Variants in CSNK1A1 observed in about 807,000 individuals in gnomAD.
CSNK1A1 encodes the protein casein kinase 1 alpha 1, also known as casein kinase I isoform alpha.
A neutral mutation model predicts 46.1 loss-of-function variants in CSNK1A1; 7 were observed. The ratio of observed to expected loss-of-function variants is 0.15; its 90% CI spans 0.09 to 0.29. The LOEUF is 0.29. CSNK1A1 is among the 10% of genes least tolerant of loss of function. The pLI, the probability that CSNK1A1 is intolerant of heterozygous loss-of-function variation, is 1.00. For missense variants in CSNK1A1, 96 were observed against 417.1 expected (o/e 0.23, Z 6.71); for synonymous variants, 137 against 141.5 (o/e 0.97, Z 0.23).
At chr5:149,522,443 T>C (rs75877403) in intron 3 of CSNK1A1, among the ~76,000 whole-genome samples, 2 of 152,306 alleles carry the variant, frequency 1.3e-5, no homozygotes, top group African/African-American at 4.8e-5. Context: ...TACTTAGAAG[T>C]TGTATTTTTA....
At chr5:149,501,899 T>C (rs1392392876) in intron 9 of CSNK1A1, 2 of 960,430 alleles carry the variant, frequency 2.1e-6, no homozygotes, top group Non-Finnish European at 2.5e-6. Flanking sequence ...GGTGTGAATC[T>C]TATGTATTTT....
rs756285604 is a variant in CSNK1A1 at position 149,550,972 on chromosome 5, G to C, written c.-8C>G. ...GCCGCTGCTACTCGCCATCCTGAGA[G>C]ACGAAGATGGAGGCTGGGGCCAAGC... is the stretch of plus-strand genomic sequence containing the variant. On this transcript the variant is annotated 5_prime_UTR_variant, in exon 1 of 10. Coordinates refer to ENST00000377843, the MANE Select transcript of CSNK1A1 (RefSeq NM_001892.6). This position sits in a 1 kb window ranked among gnomAD's most constrained non-coding sequence, Gnocchi z 4.3. 3.7e-6 allele frequency: 6 copies of C among 1,613,724 alleles called. No individual in the cohort carries two copies. The highest frequency in any genetic ancestry group is 2.2e-5 in the South Asian group (2 of 91,084).
intron 2 of CSNK1A1, chr5:149,545,469 T>C: frequency 1.8e-6 from 1 of 547,184 alleles, no homozygotes; most frequent in Non-Finnish European, 3.3e-6. Context: ...TGGGCCTTGG[T>C]TGATCCTTGG....
chr5:149,498,136 T>G, intron 9 of CSNK1A1: 1 of 985,454 alleles, frequency 1.0e-6, no homozygotes, highest in Non-Finnish European at 1.2e-6. Flanking sequence ...CCAGCTTCTT[T>G]TACTTTTTAA....
rs758308936 is a variant in CSNK1A1 at position 149,504,201 on chromosome 5, G to C, written c.1006+1246C>G. 3 of 985,250 alleles carry C rather than the reference G, an allele frequency of 3.0e-6. No individual in the cohort carries two copies. The African/African-American group carries it at 5.2e-5, about 17-fold the overall frequency. The allele number at this position is 985,250 out of a possible 1,614,324, so 61.0% of individuals were successfully genotyped here. Reference sequence around the variant, plus strand: ...CATGTCACCATCTGAAAAACCCAACGACAATAAACCTTCAACTTTGAATCC... The same window carrying C: ...CATGTCACCATCTGAAAAACCCAACCACAATAAACCTTCAACTTTGAATCC... On this transcript the variant is annotated intron_variant, in intron 9 of 9. Coordinates refer to ENST00000377843, the MANE Select transcript of CSNK1A1 (RefSeq NM_001892.6).
intron 2 of CSNK1A1, among the ~76,000 whole-genome samples, chr5:149,529,158 T>A (rs1761809634): frequency 6.6e-6 from 1 of 152,214 alleles, no homozygotes; most frequent in South Asian, 2.1e-4. Context: ...AAAATAATAA[T>A]TTTAAAAAGA....
chr5:149,518,407 T>G (rs953165460), intron 4 of CSNK1A1, among the ~76,000 whole-genome samples: 1 of 152,136 alleles, frequency 6.6e-6, no homozygotes, highest in African/African-American at 2.4e-5. Flanking sequence ...AATTTAACTT[T>G]AAAAATTGTC....
chr5:149,545,311 C>T, intron 2 of CSNK1A1: 1 of 335,106 alleles, frequency 3.0e-6, no homozygotes, highest in Non-Finnish European at 5.5e-6. Context: ...AGGAGGACCC[C>T]AGCCCCATAA....
chr5:149,501,301 A>T, intron 9 of CSNK1A1: 1 of 985,434 alleles, frequency 1.0e-6, no homozygotes, highest in Non-Finnish European at 1.2e-6. Context: ...GATTTCAGCA[A>T]GAAGATGCGG....
chr5:149,496,513 A>G lies in CSNK1A1; in HGVS notation c.*340T>C, dbSNP rs892821568. 6 of 319,892 alleles carry G rather than the reference A, an allele frequency of 1.9e-5. No homozygotes were observed. Among genetic ancestry groups the G allele is most frequent in the Admixed American group, 1.3e-4 (3 of 22,354 alleles). The allele number at this position is 319,892 out of a possible 1,614,324, so 19.8% of individuals were successfully genotyped here. ...TCTCAAAGCAGTATAGTTCAAAACA[A>G]AAGGTTTTAACAAAAAATTGGCATA... On this transcript the variant is annotated 3_prime_UTR_variant, in exon 10 of 10. Transcript: ENST00000377843.
chr5:149,520,445 A>G, intron 3 of CSNK1A1, 57 bp from the exon 4 acceptor site: 1 of 969,886 alleles, frequency 1.0e-6, no homozygotes, highest in Non-Finnish European at 1.6e-6. Context: ...AAATCAACAC[A>G]TTTCTTAAGT....
Position 149,505,518 on chromosome 5 carries a change from G to C in CSNK1A1, c.935C>G (p.Ser312Cys). ...TTGGGCCTGCTGACCCTGCCCACTG[G>C]AAGAGGCTGCCTGCTGTGCTGCTTT... ...KQKAAQQAAS[S>C]SGQGQQAQTP... The change falls in exon 9 of 10, where the codon TCC becomes TGC. Residue 312 changes from serine (S) to cysteine (C), a missense_variant. By Grantham distance (112) the Ser-to-Cys change is moderately radical. Transcript: ENST00000377843. 1.2e-6 allele frequency: 2 copies of C among 1,614,106 alleles called. No individual in the cohort carries two copies. The highest frequency in any genetic ancestry group is 1.7e-6 in the Non-Finnish European group (2 of 1,180,028).
chr5:149,499,620 C>T (rs1045084231), intron 9 of CSNK1A1, among the ~76,000 whole-genome samples: 12 of 144,164 alleles, frequency 8.3e-5, no homozygotes, highest in Non-Finnish European at 7.7e-5. Context: ...AAAAGATATG[C>T]TTTTTTTTTT....
chr5:149,532,990 TAAG>T (rs1278370494), intron 2 of CSNK1A1, among the ~76,000 whole-genome samples: 2 of 152,216 alleles, frequency 1.3e-5, no homozygotes, highest in East Asian at 3.8e-4. Flanking sequence ...CGTAGTCAAC[TAAG>T]ATGATTTGTT....
chr5:149,504,031 G>A, intron 9 of CSNK1A1: 1 of 985,382 alleles, frequency 1.0e-6, no homozygotes, highest in Non-Finnish European at 1.2e-6. Flanking sequence ...GTTTTTCAGT[G>A]ACATTAGCTA....
At chr5:149,518,810 G>A (rs1036805195) in intron 4 of CSNK1A1, among the ~76,000 whole-genome samples, 1 of 151,778 alleles carries the variant, frequency 6.6e-6, no homozygotes, top group African/African-American at 2.4e-5. Context: ...GGGGAGGGGG[G>A]GAAGGCAAAG....
chr5:149,540,163 G>T (rs1326322026), intron 2 of CSNK1A1, among the ~76,000 whole-genome samples: 1 of 152,024 alleles, frequency 6.6e-6, no homozygotes, highest in Non-Finnish European at 1.5e-5. Flanking sequence ...ACCTTGTTGG[G>T]CTTTCGAAAA....
intron 2 of CSNK1A1, among the ~76,000 whole-genome samples, chr5:149,540,395 C>A (rs530467526): frequency 2.0e-5 from 3 of 152,014 alleles, no homozygotes; most frequent in Non-Finnish European, 4.4e-5. Context: ...CTGCTCACAC[C>A]GACAAGAAAA....
At chr5:149,506,367 G>A (rs775650003) in intron 8 of CSNK1A1, among the ~76,000 whole-genome samples, 10 of 152,138 alleles carry the variant, frequency 6.6e-5, no homozygotes, top group South Asian at 2.1e-4. Context: ...CTCCCGAGTC[G>A]CTGGGATTAA....
Sources: gnomAD v4.1 joint callset for allele counts (sites outside exome capture counted in the v4.1 genomes callset) on GRCh38, gnomAD v4.1.1 for gene constraint, Gnocchi (gnomAD v3.1) non-coding constraint, MANE v1.5 for transcripts, NCBI Gene and HGNC (gene_info 2026-07-23, HGNC 2026-07-21) for gene names.